Variants in AP1G1 observed in about 807,000 individuals in gnomAD.
The protein encoded by AP1G1 is AP-1 complex subunit gamma-1.
Under a neutral mutation model 108.3 loss-of-function variants are expected in AP1G1, and 7 were observed. The observed-to-expected ratio is 0.06, with a 90% confidence interval of 0.04 to 0.12. The LOEUF is 0.12. Among genes scored for constraint, AP1G1 ranks in the 10% least tolerant of loss-of-function variants. The pLI is 1.00. For synonymous variants in AP1G1, 379 were observed against 353.5 expected (o/e 1.07, Z -0.81); for missense variants, 756 against 1,010.7 (o/e 0.75, Z 3.42).
chr16:71,759,978 T>C (rs1006173252), intron 10 of AP1G1, among the ~76,000 whole-genome samples: 2 of 152,080 alleles, frequency 1.3e-5, no homozygotes, highest in African/African-American at 2.4e-5. Flanking sequence ...CTATAAAAAT[T>C]TGAGTTTAAA....
At chr16:71,777,263 G>C (rs2031821262) in intron 2 of AP1G1, among the ~76,000 whole-genome samples, 1 of 151,572 alleles carries the variant, frequency 6.6e-6, no homozygotes, top group Non-Finnish European at 1.5e-5. Flanking sequence ...GATGAGGCAG[G>C]ACATGAGGCT....
chr16:71,788,046 T>C (rs1303434447), intron 2 of AP1G1, among the ~76,000 whole-genome samples: 2 of 152,156 alleles, frequency 1.3e-5, no homozygotes, highest in South Asian at 2.1e-4. Context: ...ACTCCCACTC[T>C]TGATCATGTA....
Position 71,745,610 on chromosome 16 carries a change from C to T in AP1G1, c.1735G>A (p.Ala579Thr). 1.2e-6 allele frequency: 2 copies of T among 1,614,012 alleles called. No individual in the cohort carries two copies. The highest frequency in any genetic ancestry group is 1.7e-6 in the Non-Finnish European group (2 of 1,179,890). Residue 579 changes from alanine to threonine, a missense_variant, in exon 18 of 23, where the codon GCC (alanine) becomes ACC (threonine). Ala to Thr is a moderately conservative substitution (Grantham distance 58, BLOSUM62 0). Transcript: ENST00000299980. ...ATGACAGGCATTCTCTCAAGTAGGG[C>T]AGACCTAGAAGAATCTGAAGTGGTT... ...LFKKYDHMRSALLERMPVMEK... is the reference protein window; with the variant it reads ...LFKKYDHMRSTLLERMPVMEK...
At chr16:71,790,244 G>A (rs1019157293) in intron 1 of AP1G1, among the ~76,000 whole-genome samples, 1 of 152,112 alleles carries the variant, frequency 6.6e-6, no homozygotes, top group Admixed American at 6.6e-5. Context: ...CTGAATGTAA[G>A]AATAGACTGA....
chr16:71,745,723 C>G, intron 17 of AP1G1, 109 bp from the exon 18 acceptor site: 1 of 881,668 alleles, frequency 1.1e-6, no homozygotes, highest in Non-Finnish European at 1.9e-6. Flanking sequence ...ATCTCCCCTC[C>G]CCATCCAACA....
chr16:71,757,737 T>C (rs142250098), intron 11 of AP1G1, among the ~76,000 whole-genome samples: 53 of 152,272 alleles, frequency 3.5e-4, no homozygotes, highest in Non-Finnish European at 5.6e-4. Context: ...CTCTTACTGT[T>C]ATATATCCTT....
chr16:71,807,233 C>G (rs2033025385), intron 1 of AP1G1, among the ~76,000 whole-genome samples: 1 of 152,180 alleles, frequency 6.6e-6, no homozygotes, highest in African/African-American at 2.4e-5. Flanking sequence ...CGAGATCTGC[C>G]TGGGCAACAT....
At position 71,745,496 on chromosome 16, in the gene AP1G1, A is replaced by G. The variant is rs762919438; in HGVS notation, c.1849T>C (p.Ser617Pro). 1 of 1,614,176 alleles carries G rather than the reference A, an allele frequency of 6.2e-7. No individual in the cohort carries two copies. Among genetic ancestry groups the G allele is most frequent in the Non-Finnish European group, 8.5e-7 (1 of 1,180,036 alleles). Residue 617 changes from serine (S) to proline (P), a missense_variant, in exon 18 of 23, where the codon TCT (serine) becomes CCT (proline). By Grantham distance (74) the Ser-to-Pro change is moderately conservative. Transcript: ENST00000299980. The part of the protein sequence containing the change: ...PAPLETKPPP[S>P]GPQPTSQAND... ...ACCTGGCTGGTGGGCTGTGGCCCAG[A>G]GGGTGGCGGTTTGGTCTCTAGTGGA...
intron 2 of AP1G1, chr16:71,777,534 G>T: frequency 3.2e-6 from 1 of 308,572 alleles, no homozygotes; most frequent in South Asian, 2.7e-5. Context: ...AGAGTGGCTG[G>T]ACTTGTCTGT....
intron 2 of AP1G1, among the ~76,000 whole-genome samples, chr16:71,786,149 T>G (rs1250201937): frequency 6.6e-6 from 1 of 152,196 alleles, no homozygotes; most frequent in Non-Finnish European, 1.5e-5. Context: ...GAGCATTTAC[T>G]TTCTAAGAAT....
At chr16:71,789,186 T>C in intron 2 of AP1G1, 93 bp downstream of exon 2, 3 of 1,210,174 alleles carry the variant, frequency 2.5e-6, no homozygotes, top group Non-Finnish European at 3.5e-6. Context: ...TACAAGGCTA[T>C]CAAAAGTACC....
At chr16:71,801,465 C>T (rs190328145) in intron 1 of AP1G1, among the ~76,000 whole-genome samples, 15 of 152,124 alleles carry the variant, frequency 9.9e-5, no homozygotes, top group East Asian at 1.9e-4. Flanking sequence ...AATATTGAAG[C>T]GTAAATTCAT....
intron 6 of AP1G1, among the ~76,000 whole-genome samples, chr16:71,768,269 G>A (rs914113179): frequency 1.3e-5 from 2 of 150,998 alleles, no homozygotes; most frequent in Admixed American, 6.6e-5. Context: ...AGGCTGAGGC[G>A]GGTGGATCAC....
chr16:71,730,777 AT>A lies in AP1G1; in HGVS notation c.*2280del, dbSNP rs1400035180. ...ACGCAGCACCCTTTGTGTTAAGGCC[AT>A]GATATTTTACTCCTTCTAGACAAAG... On this transcript the variant is annotated 3_prime_UTR_variant, in exon 23 of 23. Coordinates refer to ENST00000299980, the MANE Select transcript of AP1G1 (RefSeq NM_001128.6). The A allele has an allele frequency of 6.6e-6, 1 of 152,654 alleles. No homozygotes were observed. The highest frequency in any genetic ancestry group is 1.5e-5 in the Non-Finnish European group (1 of 68,044). The allele number at this position is 152,654 out of a possible 1,614,324, so 9.5% of individuals were successfully genotyped here.
At chr16:71,788,938 C>G (rs1385622379) in intron 2 of AP1G1, among the ~76,000 whole-genome samples, 3 of 152,028 alleles carry the variant, frequency 2.0e-5, no homozygotes, top group Non-Finnish European at 4.4e-5. Flanking sequence ...ATTACAGGCA[C>G]AAGCCACCAT....
At chr16:71,761,730 G>A (rs1251045904) in intron 9 of AP1G1, among the ~76,000 whole-genome samples, 163 bp from the exon 10 acceptor site, 1 of 149,908 alleles carries the variant, frequency 6.7e-6, no homozygotes, top group African/African-American at 2.5e-5. Context: ...AGAACTTTGG[G>A]AGGCCAAGGC....
At chr16:71,754,348 G>C (rs1416827813) in intron 12 of AP1G1, among the ~76,000 whole-genome samples, 3 of 151,398 alleles carry the variant, frequency 2.0e-5, no homozygotes, top group Non-Finnish European at 4.4e-5. Flanking sequence ...GAAAAAGAAA[G>C]AAAGAAAGAA....
chr16:71,755,033 A>T (rs905031323), intron 12 of AP1G1, among the ~76,000 whole-genome samples: 1 of 152,226 alleles, frequency 6.6e-6, no homozygotes, highest in Non-Finnish European at 1.5e-5. Context: ...TGGAAAGAAG[A>T]GAAAGAATAG....
rs139241325 is a variant in AP1G1 at position 71,737,560 on chromosome 16, C to T, written c.2268+1382G>A. On this transcript the variant is annotated intron_variant, in intron 21 of 22. Coordinates refer to ENST00000299980, the MANE Select transcript of AP1G1 (RefSeq NM_001128.6). ...TCAGCCTCCCAAATTGCTGGGATTA[C>T]AGGCGTGAGATACCGTGTCCAGCTA... 3.3e-3 allele frequency among the ~76,000 whole-genome samples: 497 copies of T among 152,334 alleles called. 6 individuals carry two copies. Among genetic ancestry groups the T allele is most frequent in the African/African-American group, 0.011 (473 of 41,576 alleles).
Sources: gnomAD v4.1 joint callset for allele counts (sites outside exome capture counted in the v4.1 genomes callset) on GRCh38, gnomAD v4.1.1 for gene constraint, MANE v1.5 for transcripts, NCBI Gene and HGNC (gene_info 2026-07-23, HGNC 2026-07-21) for gene names.